Variants in TIMM9 observed in about 807,000 individuals in gnomAD.
The protein encoded by TIMM9 is mitochondrial import inner membrane translocase subunit Tim9.
A neutral mutation model predicts 13.4 loss-of-function variants in TIMM9; 10 were observed. The observed-to-expected ratio is 0.75, with a 90% CI of 0.46 to 1.26. TIMM9 has a LOEUF of 1.26. Ranked by LOEUF, TIMM9 falls within the 50% of genes most tolerant of loss-of-function variation. TIMM9 has a pLI of 0.00. For synonymous variants in TIMM9, 32 were observed against 32.1 expected, an observed-to-expected ratio of 1.00 and a Z score of 0.01; for missense variants, 87 against 100.8, an observed-to-expected ratio of 0.86 and a Z score of 0.58.
Position 58,427,517 on chromosome 14 carries a change from G to A in TIMM9, c.-429C>T. On this transcript the variant is annotated 5_prime_UTR_variant, in exon 1 of 6. Coordinates refer to ENST00000395159, the MANE Select transcript of TIMM9 (RefSeq NM_012460.4). ...TGAGACTGTAGAGCGGTCTTGTGCGGCAATGTGCTACCTTAAAATAAATAA... is the reference window on the plus strand; with the variant it reads ...TGAGACTGTAGAGCGGTCTTGTGCGACAATGTGCTACCTTAAAATAAATAA... The A allele has an allele frequency of 1.4e-6, 2 of 1,426,794 alleles. No homozygotes were observed. The highest frequency in any genetic ancestry group is 1.4e-5 in the African/African-American group (1 of 70,778). The allele number at this position is 1,426,794 out of a possible 1,614,324, so 88.4% of individuals were successfully genotyped here.
intron 3 of TIMM9, among the ~76,000 whole-genome samples, chr14:58,417,630 G>A (rs1187323107): frequency 7.4e-6 from 1 of 135,926 alleles, no homozygotes; most frequent in African/African-American, 2.7e-5. Flanking sequence ...GGGAAGGGAG[G>A]GAGGGAGGGA....
chr14:58,426,465 A>G (rs998773701), intron 2 of TIMM9, among the ~76,000 whole-genome samples: 14 of 152,088 alleles, frequency 9.2e-5, no homozygotes, highest in African/African-American at 3.4e-4. Flanking sequence ...TTGGCCTCCC[A>G]AAGTGCTGGG....
intron 3 of TIMM9, among the ~76,000 whole-genome samples, chr14:58,417,496 G>GT (rs1419460692): frequency 1.2e-4 from 3 of 25,260 alleles, no homozygotes; most frequent in African/African-American, 2.8e-4. Flanking sequence ...GCAAGACCCT[G>GT]TTAAAAAAAA....
chr14:58,427,132 T>G lies in TIMM9; in HGVS notation c.-193A>C, dbSNP rs1595043569. The stretch of plus-strand genomic sequence containing the variant: ...GACGGTTGAGCCTTGGGAGGGAGGG[T>G]CAGGGTCTGGACAGGAGCCGCGGCC... On this transcript the variant is annotated 5_prime_UTR_variant, in exon 2 of 6. Transcript: ENST00000395159. 1.2e-5 allele frequency: 2 copies of G among 161,914 alleles called. No individual in the cohort carries two copies. The highest frequency in any genetic ancestry group is 2.7e-5 in the Non-Finnish European group (2 of 72,920). 10.0% of individuals were successfully genotyped at this position (161,914 alleles called of 1,614,324 possible).
Position 58,408,865 on chromosome 14 carries a change from T to C in TIMM9, c.*169A>G. 1.1e-6 allele frequency: 1 copy of C among 948,508 alleles called. No individual in the cohort carries two copies. The highest frequency in any genetic ancestry group is 1.5e-6 in the Non-Finnish European group (1 of 656,264). The allele number at this position is 948,508 out of a possible 1,614,324, so 58.8% of individuals were successfully genotyped here. ...TAAGACCTTCTATTGTGATTATTCC[T>C]GGTAAATAGCAATTTTGTTTCTCCA... On this transcript the variant is annotated 3_prime_UTR_variant, in exon 6 of 6. Coordinates refer to ENST00000395159, the MANE Select transcript of TIMM9 (RefSeq NM_012460.4).
At position 58,427,113 on chromosome 14, in the gene TIMM9, T is replaced by A. The variant is rs895352190; in HGVS notation, c.-174A>T. On this transcript the variant is annotated 5_prime_UTR_variant, in exon 2 of 6. Transcript: ENST00000395159. ...AGGCTGGGGGTTGTTGGGGGACGGT[T>A]GAGCCTTGGGAGGGAGGGTCAGGGT... The A allele has an allele frequency of 1.9e-5, 3 of 160,832 alleles. No homozygotes were observed. The highest frequency in any genetic ancestry group is 7.2e-5 in the African/African-American group (3 of 41,484). 10.0% of individuals were successfully genotyped at this position (160,832 alleles called of 1,614,324 possible). A position where few individuals can be genotyped will look rare whatever the true frequency, so the allele number is the denominator to read the frequency against.
chr14:58,411,213 C>T (rs576683366), intron 4 of TIMM9, among the ~76,000 whole-genome samples: 2 of 151,860 alleles, frequency 1.3e-5, no homozygotes, highest in African/African-American at 4.8e-5. Flanking sequence ...TTTGGGAGGC[C>T]GAGGTGGGCG....
At chr14:58,426,352 C>T (rs575220928) in intron 2 of TIMM9, among the ~76,000 whole-genome samples, 37 of 151,544 alleles carry the variant, frequency 2.4e-4, no homozygotes, top group Admixed American at 1.6e-3. Context: ...ACTACAGGCG[C>T]GCGCCACCAT....
At chr14:58,417,615 A>C (rs1351234910) in intron 3 of TIMM9, among the ~76,000 whole-genome samples, 1 of 112,990 alleles carries the variant, frequency 8.9e-6, no homozygotes, top group Non-Finnish European at 1.8e-5. Context: ...GGACTTAGGG[A>C]AGGAGGGAAG....
chr14:58,425,010 G>A (rs1340645729), intron 2 of TIMM9, among the ~76,000 whole-genome samples: 2 of 152,082 alleles, frequency 1.3e-5, no homozygotes, highest in Non-Finnish European at 2.9e-5. Context: ...TAATCATGAG[G>A]GAATAATTAG....
chr14:58,414,435 C>T lies in TIMM9; in HGVS notation c.-26-2464G>A, dbSNP rs182035849. Among the ~76,000 whole-genome samples the T allele has an allele frequency of 2.6e-5, 4 of 151,750 alleles. No individual in the cohort carries two copies. In the South Asian group the frequency reaches 6.2e-4, roughly 24 times the overall value. On this transcript the variant is annotated intron_variant, in intron 3 of 5. Coordinates refer to ENST00000395159, the MANE Select transcript of TIMM9 (RefSeq NM_012460.4). Reference sequence around the variant, plus strand: ...CTATACTTTCCTCCTTTTTTCTTATCCTATAAAATCACAATAACTAGGCTG... The same window carrying T: ...CTATACTTTCCTCCTTTTTTCTTATTCTATAAAATCACAATAACTAGGCTG...
chr14:58,422,086 C>T (rs1325925068), intron 3 of TIMM9, among the ~76,000 whole-genome samples: 9 of 150,712 alleles, frequency 6.0e-5, no homozygotes, highest in South Asian at 2.1e-4. Flanking sequence ...CTTATCAACC[C>T]GAGGTCAGAG....
rs768719014 is a variant in TIMM9 at position 58,410,875 on chromosome 14, C to T, written c.103G>A (p.Asp35Asn). ...GGTTTTACTTCTCTTGTTGTGAAGT[C>T]TTTAACACAGTCCAAAAAGCAGGTC... ...TETCFLDCVK[D>N]FTTREVKPEE... Residue 35 changes from aspartate to asparagine, a missense_variant, in exon 5 of 6, where the codon GAC (aspartate) becomes AAC (asparagine). Coordinates refer to ENST00000395159, the MANE Select transcript of TIMM9 (RefSeq NM_012460.4). 1 of 1,612,888 alleles carries T rather than the reference C, an allele frequency of 6.2e-7. No homozygotes were observed. The highest frequency in any genetic ancestry group is 2.2e-5 in the East Asian group (1 of 44,822).
At chr14:58,412,532 A>C (rs1397769339) in intron 3 of TIMM9, among the ~76,000 whole-genome samples, 1 of 152,126 alleles carries the variant, frequency 6.6e-6, no homozygotes, top group African/African-American at 2.4e-5. Flanking sequence ...CTACCTTGCT[A>C]AGCTGCTTGT....
At chr14:58,422,119 T>C (rs1195339429) in intron 3 of TIMM9, among the ~76,000 whole-genome samples, 1 of 151,498 alleles carries the variant, frequency 6.6e-6, no homozygotes, top group Non-Finnish European at 1.5e-5. Context: ...TGAAATCTTT[T>C]TTTTTTTTTT....
intron 4 of TIMM9, among the ~76,000 whole-genome samples, chr14:58,411,457 A>AT (rs1428322931): frequency 3.4e-4 from 52 of 151,920 alleles, no homozygotes; most frequent in Non-Finnish European, 5.9e-4. Context: ...AAAAAAAAAA[A>AT]GAACAAGAAA....
chr14:58,410,858 T>G lies in TIMM9; in HGVS notation c.120A>C (p.Glu40Asp). ...LDCVKDFTTR[E>D]VKPEETTCSE... Reference sequence around the variant, plus strand: ...CTTTTCATACCTCTTCAGGTTTTACTTCTCTTGTTGTGAAGTCTTTAACAC... The same window carrying G: ...CTTTTCATACCTCTTCAGGTTTTACGTCTCTTGTTGTGAAGTCTTTAACAC... Residue 40 changes from glutamate to aspartate, a missense_variant, in exon 5 of 6, where the codon GAA becomes GAC. Physicochemically the swap from Glu to Asp is conservative, Grantham distance 45. Coordinates refer to ENST00000395159, the MANE Select transcript of TIMM9 (RefSeq NM_012460.4). 1 of 1,609,192 alleles carries G rather than the reference T, an allele frequency of 6.2e-7. No homozygotes were observed. The highest frequency in any genetic ancestry group is 8.5e-7 in the Non-Finnish European group (1 of 1,178,788).
intron 4 of TIMM9, 34 bp from the exon 5 acceptor site, chr14:58,410,972 GT>G: frequency 2.7e-6 from 4 of 1,499,230 alleles, no homozygotes; most frequent in South Asian, 2.4e-5. Flanking sequence ...TTAGTATTTG[GT>G]TTTTAAAACA....
intron 3 of TIMM9, among the ~76,000 whole-genome samples, chr14:58,418,755 G>C (rs980845479): frequency 1.3e-5 from 2 of 151,946 alleles, no homozygotes; most frequent in Middle Eastern, 3.2e-3. Context: ...AACATGTACG[G>C]ACTTGTATGT....
Sources: allele counts gnomAD v4.1 joint callset (sites outside exome capture counted in the v4.1 genomes callset), GRCh38; gene constraint gnomAD v4.1.1; transcripts MANE v1.5; gene names NCBI Gene and HGNC (gene_info 2026-07-23, HGNC 2026-07-21).